Variants in LRP12 observed in about 807,000 individuals in gnomAD.
LRP12 encodes the protein LDL receptor related protein 12.
A neutral mutation model predicts 66.0 loss-of-function variants in LRP12; 14 were observed. The ratio of observed to expected loss-of-function variants is 0.21; its 90% CI spans 0.14 to 0.33. The LOEUF is 0.33. LRP12 is among the 10% of genes least tolerant of loss of function. The probability of loss-of-function intolerance (pLI) is 1.00; values close to 1 mark genes in which losing one functional copy is unlikely to be tolerated. For missense variants in LRP12, 889 were observed against 1,053.4 expected (o/e 0.84, Z 2.16); for synonymous variants, 357 against 359.1 (o/e 0.99, Z 0.07).
chr8:104,521,701 T>C (rs1811154138), intron 2 of LRP12, among the ~76,000 whole-genome samples: 1 of 151,734 alleles, frequency 6.6e-6, no homozygotes, highest in Non-Finnish European at 1.5e-5. Context: ...TCAAACTATG[T>C]TCTGTTTTTA....
chr8:104,588,961 A>ACGC lies in LRP12; in HGVS notation c.-65_-64insGCG, dbSNP rs1408393432. 3.0e-4 allele frequency: 287 copies of ACGC among 972,298 alleles called. 3 individuals are homozygous for ACGC. The African/African-American group carries it at 9.9e-3, about 34-fold the overall frequency. 60.2% of individuals were successfully genotyped at this position (972,298 alleles called of 1,614,324 possible). A position where few individuals can be genotyped will look rare whatever the true frequency, so the allele number is the denominator to read the frequency against. ...AGGAGGGAGGAGAAGCTGGAGGTAGACGACGCCGACGCCGCCGCCGCCGCC... is the reference window on the plus strand; with the variant it reads ...AGGAGGGAGGAGAAGCTGGAGGTAGACGCCGACGCCGACGCCGCCGCCGCCGCC... On this transcript the variant is annotated 5_prime_UTR_variant, in exon 1 of 7. Transcript: ENST00000276654.
chr8:104,575,711 A>G (rs1812154351), intron 1 of LRP12, among the ~76,000 whole-genome samples: 1 of 152,188 alleles, frequency 6.6e-6, no homozygotes, highest in South Asian at 2.1e-4. Context: ...AAAAAGCCAG[A>G]GTGCCTTTTT....
At chr8:104,586,509 T>A (rs1360547233) in intron 1 of LRP12, among the ~76,000 whole-genome samples, 1 of 152,212 alleles carries the variant, frequency 6.6e-6, no homozygotes, top group Non-Finnish European at 1.5e-5. Flanking sequence ...ACACACACAC[T>A]TTTTACTGTA....
chr8:104,519,699 T>C (rs1328323480), intron 2 of LRP12, among the ~76,000 whole-genome samples: 1 of 151,984 alleles, frequency 6.6e-6, no homozygotes, highest in Non-Finnish European at 1.5e-5. Context: ...GAAAAAATGA[T>C]ATTAATCCAT....
At chr8:104,512,351 T>C (rs1032967186) in intron 2 of LRP12, among the ~76,000 whole-genome samples, 2 of 152,146 alleles carry the variant, frequency 1.3e-5, no homozygotes, top group African/African-American at 2.4e-5. Context: ...CGCAGTAAGC[T>C]AAAGGAAATC....
chr8:104,572,377 C>A (rs1812093881), intron 1 of LRP12, among the ~76,000 whole-genome samples: 1 of 150,998 alleles, frequency 6.6e-6, no homozygotes, highest in Non-Finnish European at 1.5e-5. Flanking sequence ...CATAACTGCA[C>A]CAGAAAAAAA....
At chr8:104,531,057 T>G (rs1364011116) in intron 2 of LRP12, among the ~76,000 whole-genome samples, 1 of 151,900 alleles carries the variant, frequency 6.6e-6, no homozygotes, top group East Asian at 1.9e-4. Context: ...AAGTCAGACA[T>G]AAAACAAAAG....
chr8:104,580,456 C>T (rs949482760), intron 1 of LRP12, among the ~76,000 whole-genome samples: 9 of 151,136 alleles, frequency 6.0e-5, no homozygotes, highest in South Asian at 2.1e-4. Flanking sequence ...CATGAACCCG[C>T]GAGGCGGGGC....
At chr8:104,508,357 T>C (rs2140842304) in intron 3 of LRP12, 1 of 152,352 alleles carries the variant, frequency 6.6e-6, no homozygotes, top group South Asian at 2.1e-4. Flanking sequence ...CATTCATTCT[T>C]AGAATCTTAA....
At chr8:104,548,938 A>T (rs1811683528) in intron 1 of LRP12, among the ~76,000 whole-genome samples, 1 of 151,292 alleles carries the variant, frequency 6.6e-6, no homozygotes, top group African/African-American at 2.4e-5. Context: ...AACTCCGTCA[A>T]AAATAAATAA....
At chr8:104,504,925 T>C (rs568784788) in intron 3 of LRP12, 1 of 152,380 alleles carries the variant, frequency 6.6e-6, no homozygotes, top group Non-Finnish European at 1.5e-5. Flanking sequence ...TACTAGTATT[T>C]TGTGCCTTAA....
At chr8:104,518,999 A>C (rs1811111263) in intron 2 of LRP12, among the ~76,000 whole-genome samples, 1 of 152,106 alleles carries the variant, frequency 6.6e-6, no homozygotes, top group Non-Finnish European at 1.5e-5. Flanking sequence ...ATCTGCAAGA[A>C]AAATAAGTTA....
chr8:104,521,699 T>C (rs1010553911), intron 2 of LRP12, among the ~76,000 whole-genome samples: 2 of 151,758 alleles, frequency 1.3e-5, no homozygotes, highest in African/African-American at 4.8e-5. Context: ...GTTCAAACTA[T>C]GTTCTGTTTT....
chr8:104,580,585 A>G (rs1393788603), intron 1 of LRP12, among the ~76,000 whole-genome samples: 2 of 152,098 alleles, frequency 1.3e-5, no homozygotes, highest in Non-Finnish European at 2.9e-5. Context: ...AAAGAACTTA[A>G]AACACATTTA....
At chr8:104,534,871 C>A (rs1410151671) in intron 1 of LRP12, among the ~76,000 whole-genome samples, 3 of 151,634 alleles carry the variant, frequency 2.0e-5, no homozygotes, top group Non-Finnish European at 4.4e-5. Context: ...TAACACAAAG[C>A]AAATTACATT....
At chr8:104,496,554 TTCC>T (rs1810730440) in intron 5 of LRP12, among the ~76,000 whole-genome samples, 6 of 152,310 alleles carry the variant, frequency 3.9e-5, no homozygotes, top group East Asian at 1.9e-4. Context: ...CCCCAATTCC[TTCC>T]TCCTAACTGT....
At chr8:104,559,105 A>AGGT (rs1459760669) in intron 1 of LRP12, among the ~76,000 whole-genome samples, 10 of 152,184 alleles carry the variant, frequency 6.6e-5, no homozygotes, top group Admixed American at 6.6e-4. Context: ...TCCCACTACT[A>AGGT]GGTATCTACC....
At position 104,509,045 on chromosome 8, in the gene LRP12, C is replaced by T. The variant is rs754362305; in HGVS notation, c.166G>A (p.Ala56Thr). The change falls in exon 3 of 7, where the codon GCA becomes ACA. Residue 56 changes from alanine to threonine, a missense_variant. Physicochemically the swap from Ala to Thr is moderately conservative, Grantham distance 58. Around this residue, in one of 3 missense-constraint regions of LRP12, gnomAD observed 88 missense variants for 72.5 expected, o/e 1.21. Transcript: ENST00000276654. ...ACGETPEQIRAPSGIITSPGW... is the reference protein window; with the variant it reads ...ACGETPEQIRTPSGIITSPGW... Reference sequence around the variant, plus strand: ...GGGCTTGTGATTATGCCACTTGGTGCTCGTATTTGCTCTGGAGTCTCTCCA... The same window carrying T: ...GGGCTTGTGATTATGCCACTTGGTGTTCGTATTTGCTCTGGAGTCTCTCCA... 1 of 1,613,738 alleles carries T rather than the reference C, an allele frequency of 6.2e-7. No homozygotes were observed. Among genetic ancestry groups the T allele is most frequent in the Non-Finnish European group, 8.5e-7 (1 of 1,179,788 alleles).
chr8:104,540,939 G>A (rs1056355396), intron 1 of LRP12, among the ~76,000 whole-genome samples: 1 of 152,008 alleles, frequency 6.6e-6, no homozygotes, highest in Non-Finnish European at 1.5e-5. Context: ...TCACCATGTT[G>A]GCCAGGATGG....
Sources: allele counts gnomAD v4.1 joint callset (sites outside exome capture counted in the v4.1 genomes callset), GRCh38; gene constraint gnomAD v4.1.1; regional missense constraint gnomAD v4.1.1; transcripts MANE v1.5; gene names NCBI Gene and HGNC (gene_info 2026-07-23, HGNC 2026-07-21).